VPS35L: variants seen among roughly 807,000 people sequenced by gnomAD.
VPS35L encodes the protein VPS35 endosomal protein-sorting factor-like.
In VPS35L, 83 loss-of-function variants were observed where a neutral mutation model predicts 133.0. The ratio of observed to expected loss-of-function variants is 0.62; its 90% CI spans 0.52 to 0.75. The LOEUF (loss-of-function observed/expected upper bound fraction) is 0.75. Among genes scored for constraint, VPS35L ranks in the 30% least tolerant of loss-of-function variants. The pLI is 0.00. For synonymous variants in VPS35L, 423 were observed against 449.9 expected (o/e 0.94, Z 0.76); for missense variants, 1,083 against 1,206.8 (o/e 0.90, Z 1.52).
intron 10 of VPS35L, chr16:19,608,579 T>G (rs1972610092): frequency 2.5e-6 from 1 of 393,904 alleles, no homozygotes; most frequent in Admixed American, 4.1e-5. Context: ...TTTCTCTGAT[T>G]CCAAGAACTT....
In VPS35L at chr16:19,633,634, T is replaced by G. The variant is rs1973528480; in HGVS notation, c.1635+462T>G. ...TGGGCTTAAGCATAATTTTTTTATG[T>G]GGAAATAAATTTAAGCTTATTGGAA... On this transcript the variant is annotated intron_variant, in intron 19 of 30. Transcript: ENST00000417362. The surrounding 1 kb of genome is among the most constrained non-coding windows in gnomAD (Gnocchi z 4.1). Among the ~76,000 whole-genome samples, 1 of 152,210 alleles carries G rather than the reference T, an allele frequency of 6.6e-6. No individual in the cohort carries two copies. The highest frequency in any genetic ancestry group is 1.9e-4 in the East Asian group (1 of 5,204).
chr16:19,588,935 A>G (rs1185475553), intron 7 of VPS35L, among the ~76,000 whole-genome samples: 1 of 152,132 alleles, frequency 6.6e-6, no homozygotes, highest in African/African-American at 2.4e-5. Context: ...TCAACATTCT[A>G]CCACCATTTG....
intron 9 of VPS35L, among the ~76,000 whole-genome samples, chr16:19,604,809 A>G (rs188230538): frequency 7.2e-5 from 11 of 152,340 alleles, no homozygotes; most frequent in Admixed American, 7.2e-4. Flanking sequence ...TAACTAAGGT[A>G]TAGCTCTTCG....
chr16:19,597,707 A>G (rs1472962471), intron 8 of VPS35L, among the ~76,000 whole-genome samples: 7 of 152,176 alleles, frequency 4.6e-5, no homozygotes, highest in African/African-American at 1.7e-4. Context: ...TCTATTGTGA[A>G]TAATATTCCT....
At chr16:19,598,647 G>C (rs1972287517) in intron 8 of VPS35L, among the ~76,000 whole-genome samples, 2 of 152,204 alleles carry the variant, frequency 1.3e-5, no homozygotes, top group East Asian at 1.9e-4. Context: ...AGCCAGGCAA[G>C]GTGGTGTGCG....
In VPS35L at chr16:19,666,872, TTTTCTTTCTTTC is replaced by T. The variant is rs551438290; in HGVS notation, c.2222-2237_2222-2226del. Reference sequence around the variant, plus strand: ...GTGGGTTCCATAAGTAGGGCCATGTTTTTCTTTCTTTCTTTCTTTCTTTCTTTCTTTCTTTCT... The same window carrying T: ...GTGGGTTCCATAAGTAGGGCCATGTTTTTCTTTCTTTCTTTCTTTCTTTCT... On this transcript the variant is annotated intron_variant, in intron 26 of 30. Transcript: ENST00000417362. Among the ~76,000 whole-genome samples the T allele has an allele frequency of 3.4e-3, 360 of 106,276 alleles. 7 individuals carry two copies. The highest frequency in any genetic ancestry group is 0.014 in the South Asian group (40 of 2,782). The allele number at this position is 106,276 out of a possible 152,430, so 69.7% of individuals were successfully genotyped here. A position where few individuals can be genotyped will look rare whatever the true frequency, so the allele number is the denominator to read the frequency against.
At chr16:19,659,796 G>A (rs1974419774) in intron 26 of VPS35L, among the ~76,000 whole-genome samples, 1 of 152,180 alleles carries the variant, frequency 6.6e-6, no homozygotes, top group Admixed American at 6.5e-5. Flanking sequence ...AAGTTTTCAG[G>A]AAGAAGATAT....
At chr16:19,619,899 A>C (rs942028848) in intron 14 of VPS35L, among the ~76,000 whole-genome samples, 1 of 152,142 alleles carries the variant, frequency 6.6e-6, no homozygotes, top group Non-Finnish European at 1.5e-5. Flanking sequence ...AATGGCCGCT[A>C]TGAGTCACCT....
intron 7 of VPS35L, among the ~76,000 whole-genome samples, chr16:19,583,144 GAT>G (rs1491494067): frequency 7.5e-6 from 1 of 134,132 alleles, no homozygotes; most frequent in African/African-American, 3.4e-5. Context: ...GTAATTCATT[GAT>G]TTTTTTTTAC....
intron 29 of VPS35L, among the ~76,000 whole-genome samples, chr16:19,691,960 C>T (rs758224750): frequency 1.1e-4 from 17 of 151,828 alleles, no homozygotes; most frequent in South Asian, 2.1e-4. Context: ...CTGCAACCTC[C>T]GCCTCCCGGG....
chr16:19,577,958 G>A (rs758014938), intron 5 of VPS35L, among the ~76,000 whole-genome samples: 2 of 152,212 alleles, frequency 1.3e-5, no homozygotes, highest in Non-Finnish European at 2.9e-5. Flanking sequence ...CCACTTTGTA[G>A]CATTTTGTTA....
intron 14 of VPS35L, among the ~76,000 whole-genome samples, chr16:19,621,304 T>A (rs776648809): frequency 5.9e-5 from 9 of 152,198 alleles, no homozygotes; most frequent in Admixed American, 6.5e-5. Flanking sequence ...TTGACAGTGG[T>A]GATTTCTAGG....
chr16:19,619,219 C>T (rs956326105), intron 14 of VPS35L, among the ~76,000 whole-genome samples: 1 of 152,116 alleles, frequency 6.6e-6, no homozygotes, highest in Non-Finnish European at 1.5e-5. Flanking sequence ...AGACAAGAGC[C>T]ACCGTGCCCA....
intron 23 of VPS35L, among the ~76,000 whole-genome samples, chr16:19,646,455 G>C (rs997339604): frequency 1.3e-5 from 2 of 151,940 alleles, no homozygotes; most frequent in African/African-American, 4.8e-5. Context: ...GATCACCTGC[G>C]GTCAGGTCGA....
chr16:19,557,928 G>A (rs753842482), intron 1 of VPS35L, among the ~76,000 whole-genome samples: 1 of 152,100 alleles, frequency 6.6e-6, no homozygotes, highest in Non-Finnish European at 1.5e-5. Flanking sequence ...GCAGGTTCCT[G>A]TAATCCCAGC....
At chr16:19,663,191 A>T (rs1454948510) in intron 26 of VPS35L, among the ~76,000 whole-genome samples, 1 of 152,068 alleles carries the variant, frequency 6.6e-6, no homozygotes, top group East Asian at 1.9e-4. Flanking sequence ...CATGCCTATA[A>T]TCCCAGCTAC....
At chr16:19,686,542 G>A (rs759009912) in intron 28 of VPS35L, among the ~76,000 whole-genome samples, 19 of 152,056 alleles carry the variant, frequency 1.2e-4, no homozygotes, top group Non-Finnish European at 2.2e-4. Context: ...ACTCTTCCAC[G>A]TCACCTGCCA....
intron 29 of VPS35L, among the ~76,000 whole-genome samples, chr16:19,694,942 G>A (rs751519965): frequency 7.3e-5 from 11 of 151,706 alleles, no homozygotes; most frequent in Non-Finnish European, 1.5e-4. Context: ...GGAGGGGGAG[G>A]TTGCAGTGAG....
rs374235180 is a variant in VPS35L at position 19,569,164 on chromosome 16, G to A, written c.118-260G>A. ...TACATAGGGAACCCCAGGTGCTGTA[G>A]CCATCTCAGTCCAGTGACCTCTCAA... On this transcript the variant is annotated intron_variant, in intron 2 of 30. Transcript: ENST00000417362. 45 of 640,728 alleles carry A rather than the reference G, an allele frequency of 7.0e-5. 1 individual carries two copies. The East Asian group carries it at 1.3e-3, about 19-fold the overall frequency. The allele number at this position is 640,728 out of a possible 1,614,324, so 39.7% of individuals were successfully genotyped here. A position where few individuals can be genotyped will look rare whatever the true frequency, so the allele number is the denominator to read the frequency against.
Sources: gnomAD v4.1 joint callset for allele counts (sites outside exome capture counted in the v4.1 genomes callset) on GRCh38, gnomAD v4.1.1 for gene constraint, Gnocchi (gnomAD v3.1) non-coding constraint, MANE v1.5 for transcripts, NCBI Gene and HGNC (gene_info 2026-07-23, HGNC 2026-07-21) for gene names.